ST6GALNAC5: variants seen among roughly 807,000 people sequenced by gnomAD.
The protein encoded by ST6GALNAC5 is ST6 N-acetylgalactosaminide alpha-2,6-sialyltransferase 5.
In ST6GALNAC5, 27 loss-of-function variants were observed where a neutral mutation model predicts 33.6. The observed-to-expected ratio is 0.80, with a 90% CI of 0.59 to 1.11. The LOEUF (loss-of-function observed/expected upper bound fraction) is 1.11. ST6GALNAC5 is among the 50% of genes least tolerant of loss of function. The pLI is 0.00. For missense variants in ST6GALNAC5, 428 were observed against 454.0 expected, an observed-to-expected ratio of 0.94 and a Z score of 0.52; for synonymous variants, 194 against 171.2, an observed-to-expected ratio of 1.13 and a Z score of -1.04.
intron 2 of ST6GALNAC5, among the ~76,000 whole-genome samples, chr1:76,881,636 A>G (rs184448417): frequency 5.8e-4 from 88 of 152,286 alleles, no homozygotes; most frequent in Non-Finnish European, 1.1e-3. Context: ...TGAGTCTTCA[A>G]TAAGTACTTG....
At chr1:76,912,830 T>C (rs571726102) in intron 2 of ST6GALNAC5, among the ~76,000 whole-genome samples, 1 of 152,282 alleles carries the variant, frequency 6.6e-6, no homozygotes, top group South Asian at 2.1e-4. Flanking sequence ...ATGAGATGGG[T>C]TTCCTGAATA....
chr1:77,030,933 C>T (rs185010076), intron 2 of ST6GALNAC5, among the ~76,000 whole-genome samples: 1 of 152,338 alleles, frequency 6.6e-6, no homozygotes, highest in East Asian at 1.9e-4. Context: ...TGGGCAGAGT[C>T]AGCGGAGTGA....
intron 2 of ST6GALNAC5, among the ~76,000 whole-genome samples, chr1:77,033,869 C>T (rs937132465): frequency 5.9e-5 from 9 of 152,156 alleles, no homozygotes; most frequent in Non-Finnish European, 1.3e-4. Flanking sequence ...AGGTAATTAA[C>T]TCAGTTTTAC....
chr1:76,985,113 G>A (rs376340362), intron 2 of ST6GALNAC5, among the ~76,000 whole-genome samples: 4 of 152,306 alleles, frequency 2.6e-5, no homozygotes, highest in South Asian at 2.1e-4. Flanking sequence ...ACAAGAAAAC[G>A]ATGCCCTCTC....
At chr1:76,869,260 C>T (rs543167200) in intron 2 of ST6GALNAC5, among the ~76,000 whole-genome samples, 23 of 152,180 alleles carry the variant, frequency 1.5e-4, no homozygotes, top group Non-Finnish European at 2.8e-4. Flanking sequence ...GAGTGGTGCC[C>T]AGGCAGGCAT....
At chr1:77,032,697 A>G (rs540860539) in intron 2 of ST6GALNAC5, among the ~76,000 whole-genome samples, 1 of 151,616 alleles carries the variant, frequency 6.6e-6, no homozygotes, top group Non-Finnish European at 1.5e-5. Flanking sequence ...CCCCAGCCTG[A>G]CTCCCAAGCC....
At chr1:76,940,933 T>C (rs1647318163) in intron 2 of ST6GALNAC5, among the ~76,000 whole-genome samples, 2 of 152,134 alleles carry the variant, frequency 1.3e-5, no homozygotes, top group African/African-American at 4.8e-5. Context: ...TTTCTTTAGA[T>C]TGCTGTAGCT....
chr1:76,967,677 G>A (rs1325367457), intron 2 of ST6GALNAC5, among the ~76,000 whole-genome samples: 5 of 152,072 alleles, frequency 3.3e-5, no homozygotes, highest in South Asian at 4.1e-4. Context: ...TTTGATGTTA[G>A]GGTGTCAATT....
At chr1:77,057,260 G>T (rs1336106837) in intron 4 of ST6GALNAC5, among the ~76,000 whole-genome samples, 1 of 152,156 alleles carries the variant, frequency 6.6e-6, no homozygotes, top group African/African-American at 2.4e-5. Flanking sequence ...AGTGGGCAGG[G>T]TTAACCTAGA....
chr1:76,895,057 A>T (rs1438839999), intron 2 of ST6GALNAC5, among the ~76,000 whole-genome samples: 1 of 152,098 alleles, frequency 6.6e-6, no homozygotes, highest in African/African-American at 2.4e-5. Context: ...ATGAGCCAGG[A>T]GAAGGAATTT....
chr1:76,967,829 T>A (rs1015973547), intron 2 of ST6GALNAC5, among the ~76,000 whole-genome samples: 9 of 152,222 alleles, frequency 5.9e-5, no homozygotes, highest in Admixed American at 4.6e-4. Flanking sequence ...CTGCCTTCAT[T>A]TCATTATTTA....
At chr1:76,999,614 A>G (rs1304788671) in intron 2 of ST6GALNAC5, among the ~76,000 whole-genome samples, 3 of 151,080 alleles carry the variant, frequency 2.0e-5, no homozygotes, top group African/African-American at 7.3e-5. Flanking sequence ...AGCATTAGGT[A>G]TATCTCCCAA....
intron 2 of ST6GALNAC5, among the ~76,000 whole-genome samples, chr1:76,903,643 T>C (rs1646838377): frequency 6.6e-6 from 1 of 152,226 alleles, no homozygotes; most frequent in Non-Finnish European, 1.5e-5. Context: ...AAATGTCTGT[T>C]AACTGTTGAA....
rs576505443 is a variant in ST6GALNAC5 at position 77,057,340 on chromosome 1, G to GA, written c.780-5628dup. On this transcript the variant is annotated intron_variant, in intron 4 of 4. Coordinates refer to ENST00000477717, the MANE Select transcript of ST6GALNAC5 (RefSeq NM_030965.3). ...ATAGGTTCTTTGCTGAGACTCCTAG[G>GA]AAAAAAAGACAGATTAACAAGAGAA... is the stretch of plus-strand genomic sequence containing the variant. Among the ~76,000 whole-genome samples, 9 of 152,060 alleles carry GA rather than the reference G, an allele frequency of 5.9e-5. No individual in the cohort carries two copies. The South Asian group carries it at 1.7e-3, about 28-fold the overall frequency.
chr1:76,947,462 A>G (rs758197541), intron 2 of ST6GALNAC5, among the ~76,000 whole-genome samples: 1 of 152,122 alleles, frequency 6.6e-6, no homozygotes, highest in African/African-American at 2.4e-5. Context: ...GAGGCCAGAC[A>G]TGGTGGTTCA....
chr1:76,868,478 C>G lies in ST6GALNAC5; in HGVS notation c.16-19C>G, dbSNP rs1237564108. The stretch of plus-strand genomic sequence containing the variant: ...CTGCGCTCAGCCGCTCTCCTCTTCT[C>G]TCTCCCGCCCGCCCGCAGCGCCATG... On this transcript the variant is annotated intron_variant, in intron 1 of 4. Transcript: ENST00000477717. The surrounding 1 kb of genome is among the most constrained non-coding windows in gnomAD (Gnocchi z 4.3). 1.3e-6 allele frequency: 2 copies of G among 1,595,286 alleles called. No homozygotes were observed. Among genetic ancestry groups the G allele is most frequent in the Non-Finnish European group, 1.7e-6 (2 of 1,168,408 alleles).
chr1:76,867,845 C>T (rs1040587470), intron 1 of ST6GALNAC5, among the ~76,000 whole-genome samples, 155 bp downstream of exon 1: 1 of 152,108 alleles, frequency 6.6e-6, no homozygotes, highest in Non-Finnish European at 1.5e-5. Context: ...CGTTCCCTCC[C>T]GATTCTCCAG....
chr1:76,878,580 G>T (rs1653703906), intron 2 of ST6GALNAC5, among the ~76,000 whole-genome samples: 1 of 152,156 alleles, frequency 6.6e-6, no homozygotes, highest in South Asian at 2.1e-4. Flanking sequence ...CCTGGGGAAA[G>T]GATGGGAAAA....
rs149556018 is a variant in ST6GALNAC5, at chr1:77,009,826, A to G, written c.262-34378A>G. Among the ~76,000 whole-genome samples, 516 of 152,260 alleles carry G rather than the reference A, an allele frequency of 3.4e-3. 12 individuals carry two copies. The highest frequency in any genetic ancestry group is 0.012 in the African/African-American group (495 of 41,558). ...AGTATTTTCTTAGGCCAAATTGCCAATTTCCTCTTTTATGGAAAATACTAA... is the reference window on the plus strand; with the variant it reads ...AGTATTTTCTTAGGCCAAATTGCCAGTTTCCTCTTTTATGGAAAATACTAA... On this transcript the variant is annotated intron_variant, in intron 2 of 4. Transcript: ENST00000477717.
Sources: allele counts gnomAD v4.1 joint callset (sites outside exome capture counted in the v4.1 genomes callset), GRCh38; gene constraint gnomAD v4.1.1; non-coding constraint Gnocchi (gnomAD v3.1); transcripts MANE v1.5; gene names NCBI Gene and HGNC (gene_info 2026-07-23, HGNC 2026-07-21).